The following MUC5B variants were observed in gnomAD, a reference collection of about 807,000 sequenced individuals.
MUC5B encodes mucin-5B.
MUC5B carries 116 observed loss-of-function variants against 376.9 expected under a neutral mutation model. The observed-to-expected ratio is 0.31, with a 90% CI of 0.26 to 0.36. The LOEUF is 0.36. Ranked by LOEUF, MUC5B falls within the 10% of genes least tolerant of loss-of-function variation. The pLI, the probability that MUC5B is intolerant of heterozygous loss-of-function variation, is 1.00. For missense variants in MUC5B, 7,165 were observed against 7,769.9 expected (o/e 0.92, Z 2.93); for synonymous variants, 3,517 against 3,390.9 (o/e 1.04, Z -1.29).
At chr11:1,260,163 C>T in intron 46 of MUC5B, 78 bp downstream of exon 46, 1 of 1,554,992 alleles carries the variant, frequency 6.4e-7, no homozygotes, top group Non-Finnish European at 8.7e-7. Context: ...GGATGCCCTG[C>T]ACAGCAGGGA....
chr11:1,243,695 C>G lies in MUC5B; in HGVS notation c.6815C>G (p.Thr2272Ser). ...TESPPSPGTT[T>S]PGHTTATSRT... Reference sequence around the variant, plus strand: ...TCACCCCCTTCTCCAGGGACGACCACCCCGGGCCACACCACGGCCACCTCC... The same window carrying G: ...TCACCCCCTTCTCCAGGGACGACCAGCCCGGGCCACACCACGGCCACCTCC... Residue 2272 changes from threonine (T) to serine (S), a missense_variant, in exon 31 of 49, where the codon ACC becomes AGC. Physicochemically the swap from Thr to Ser is moderately conservative, Grantham distance 58. Coordinates refer to ENST00000529681, the MANE Select transcript of MUC5B (RefSeq NM_002458.3). 1 of 1,611,706 alleles carries G rather than the reference C, an allele frequency of 6.2e-7. No homozygotes were observed. Among genetic ancestry groups the G allele is most frequent in the Admixed American group, 1.7e-5 (1 of 60,008 alleles).
chr11:1,227,931 A>G (rs1238351160), intron 7 of MUC5B, 150 bp downstream of exon 7: 1 of 599,690 alleles, frequency 1.7e-6, no homozygotes, highest in East Asian at 2.8e-5. Flanking sequence ...GCTCAGTTCC[A>G]CGGTACACAC....
Position 1,242,487 on chromosome 11 carries a change from C to T in MUC5B, c.5607C>T (p.Cys1869=), listed in dbSNP as rs1862313173. 2.5e-6 allele frequency: 4 copies of T among 1,613,786 alleles called. No homozygotes were observed. The highest frequency in any genetic ancestry group is 2.7e-5 in the African/African-American group (2 of 74,946). ...ACCAGACAGGCAGGTTCAACATGTGCTTCAACTACAACGTGCGTGTGCTTT... is the reference window on the plus strand; with the variant it reads ...ACCAGACAGGCAGGTTCAACATGTGTTTCAACTACAACGTGCGTGTGCTTT... ...NEDQTGRFNM[C]FNYNVRVLCC... is the part of the protein sequence containing the mutation. The change falls in exon 31 of 49, where the codon TGC becomes TGT. Residue 1869 remains cysteine (C), a synonymous_variant. Coordinates refer to ENST00000529681, the MANE Select transcript of MUC5B (RefSeq NM_002458.3).
Position 1,234,052 on chromosome 11 carries a change from GGGTGTCCTGGGGTTGGGGGCTGCA to G in MUC5B, c.2378-146_2378-123del, listed in dbSNP as rs1307527856. Among the ~76,000 whole-genome samples, 1 of 152,208 alleles carries G rather than the reference GGGTGTCCTGGGGTTGGGGGCTGCA, an allele frequency of 6.6e-6. No homozygotes were observed. Among genetic ancestry groups the G allele is most frequent in the Non-Finnish European group, 1.5e-5 (1 of 68,024 alleles). Reference sequence around the variant, plus strand: ...GGGTCTCTGCCCCGCAGTGTGGCCGGGGTGTCCTGGGGTTGGGGGCTGCAGGTGTCATGGAAGCTTTGGCTCGGG... The same window carrying G: ...GGGTCTCTGCCCCGCAGTGTGGCCGGGGTGTCATGGAAGCTTTGGCTCGGG... On this transcript the variant is annotated intron_variant, in intron 19 of 48. Coordinates refer to ENST00000529681, the MANE Select transcript of MUC5B (RefSeq NM_002458.3). The surrounding 1 kb of genome is among the most constrained non-coding windows in gnomAD (Gnocchi z 6.3).
Position 1,252,388 on chromosome 11 carries a change from A to C in MUC5B, c.14909A>C (p.Tyr4970Ser). 6.2e-7 allele frequency: 1 copy of C among 1,600,572 alleles called. No individual in the cohort carries two copies. ...NKTDRAGCHFYAVCNQHCDID... is the reference protein window; with the variant it reads ...NKTDRAGCHFSAVCNQHCDID... ...ACCGACCGAGCCGGCTGCCATTTCTACGCAGTGTGCAATCAGCACTGTGAC... is the reference window on the plus strand; with the variant it reads ...ACCGACCGAGCCGGCTGCCATTTCTCCGCAGTGTGCAATCAGCACTGTGAC... The change falls in exon 32 of 49, where the codon TAC (tyrosine) becomes TCC (serine). Residue 4970 changes from tyrosine to serine, a missense_variant. Physicochemically the swap from Tyr to Ser is moderately radical, Grantham distance 144 (BLOSUM62 -2). This residue lies in a region of MUC5B where 730 missense variants were observed against 592.7 expected (regional missense o/e 1.23). Transcript: ENST00000529681.
chr11:1,239,829 C>T lies in MUC5B; in HGVS notation c.3614C>T (p.Pro1205Leu). The change falls in exon 28 of 49, where the codon CCC (proline) becomes CTC (leucine). Residue 1205 changes from proline (P) to leucine (L), a missense_variant. Coordinates refer to ENST00000529681, the MANE Select transcript of MUC5B (RefSeq NM_002458.3). ...TACCCGAAGTGCCCACCCAGCCAGC[C>T]CTTCTTCAATGAGGACCAGATGAAG... is the stretch of plus-strand genomic sequence containing the variant. ...GCYPKCPPSQPFFNEDQMKCV... is the reference protein window; with the variant it reads ...GCYPKCPPSQLFFNEDQMKCV... 1 of 1,612,486 alleles carries T rather than the reference C, an allele frequency of 6.2e-7. No individual in the cohort carries two copies. Among genetic ancestry groups the T allele is most frequent in the Non-Finnish European group, 8.5e-7 (1 of 1,179,392 alleles).
Position 1,228,783 on chromosome 11 carries a change from C to T in MUC5B, c.976+18C>T. ...GCTCTGCCGTGAGTGCTCCCAGGGC[C>T]TTCGCCAGGGATTGTGCCAGAGAGA... is the stretch of plus-strand genomic sequence containing the variant. On this transcript the variant is annotated intron_variant, in intron 8 of 48. Coordinates refer to ENST00000529681, the MANE Select transcript of MUC5B (RefSeq NM_002458.3). 1 of 1,365,638 alleles carries T rather than the reference C, an allele frequency of 7.3e-7. No individual in the cohort carries two copies. Among genetic ancestry groups the T allele is most frequent in the South Asian group, 1.3e-5 (1 of 75,530 alleles). 84.6% of individuals were successfully genotyped at this position (1,365,638 alleles called of 1,614,324 possible). A position where few individuals can be genotyped will look rare whatever the true frequency, so the allele number is the denominator to read the frequency against.
chr11:1,254,228 C>T lies in MUC5B; in HGVS notation c.15354C>T (p.Asn5118=). The T allele has an allele frequency of 1.9e-6, 3 of 1,612,700 alleles. No homozygotes were observed. In the Admixed American group the frequency reaches 5.0e-5, roughly 27 times the overall value. Reference sequence around the variant, plus strand: ...GGAATCTCAGCCTCTACCTGGACAACCACTACTGCACGGCCTCTGCCACTG... The same window carrying T: ...GGAATCTCAGCCTCTACCTGGACAATCACTACTGCACGGCCTCTGCCACTG... ...RFGNLSLYLD[N]HYCTASATAA... Residue 5118 remains asparagine, a synonymous_variant, in exon 34 of 49, where the codon AAC becomes AAT. Coordinates refer to ENST00000529681, the MANE Select transcript of MUC5B (RefSeq NM_002458.3).
At position 1,245,885 on chromosome 11, in the gene MUC5B, C is replaced by A. The variant is rs200554635; in HGVS notation, c.9005C>A (p.Thr3002Lys). 3.3e-3 allele frequency: 5,273 copies of A among 1,613,316 alleles called. 23 individuals are homozygous for A. The highest frequency in any genetic ancestry group is 0.012 in the Middle Eastern group (71 of 6,060). Residue 3002 changes from threonine to lysine, a missense_variant, in exon 31 of 49, where the codon ACG becomes AAG. Physicochemically the swap from Thr to Lys is moderately conservative, Grantham distance 78. Around this residue, in one of 31 missense-constraint regions of MUC5B, gnomAD observed 939 missense variants for 770.6 expected, o/e 1.22. Coordinates refer to ENST00000529681, the MANE Select transcript of MUC5B (RefSeq NM_002458.3). ...ILTEQTTAAT[T>K]TATTGSTAIP... ...ACAGAGCAGACCACAGCAGCCACTA[C>A]GACCGCAACCACTGGATCCACGGCC... is the stretch of plus-strand genomic sequence containing the variant.
rs1248170995 is a variant in MUC5B, at chr11:1,240,371, G to T, written c.3966G>T (p.Thr1322=). ...TFTTAWVPHS[T]TSPALPVSTV... The stretch of plus-strand genomic sequence containing the variant: ...CCACCGCCTGGGTCCCCCACTCCAC[G>T]ACAAGTAAGCCCTGCCTGGCTCTCC... Residue 1322 remains threonine, a synonymous_variant, in exon 30 of 49, where the codon ACG becomes ACT. Coordinates refer to ENST00000529681, the MANE Select transcript of MUC5B (RefSeq NM_002458.3). The T allele has an allele frequency of 1.9e-6, 3 of 1,594,982 alleles. No homozygotes were observed. Among genetic ancestry groups the T allele is most frequent in the Non-Finnish European group, 1.7e-6 (2 of 1,167,470 alleles).
In MUC5B at chr11:1,248,700, C is replaced by T. The variant is rs1862574322; in HGVS notation, c.11820C>T (p.Thr3940=). ...SMATPSSSTQ[T]SGTPPSLITT... is the part of the protein sequence containing the mutation. ...CAACACCCTCCTCTAGCACACAGAC[C>T]AGTGGTACTCCCCCATCACTGATCA... Residue 3940 remains threonine, a synonymous_variant, in exon 31 of 49, where the codon ACC becomes ACT. Coordinates refer to ENST00000529681, the MANE Select transcript of MUC5B (RefSeq NM_002458.3). 1 of 1,573,952 alleles carries T rather than the reference C, an allele frequency of 6.4e-7. No homozygotes were observed. Among genetic ancestry groups the T allele is most frequent in the African/African-American group, 1.4e-5 (1 of 73,308 alleles).
chr11:1,239,074 C>A (rs1182194921), intron 26 of MUC5B, 47 bp downstream of exon 26: 3 of 1,552,664 alleles, frequency 1.9e-6, no homozygotes, highest in Non-Finnish European at 2.6e-6. Flanking sequence ...GCTGCTGGGG[C>A]AGGGGAGGAG....
At chr11:1,230,426 A>C in intron 11 of MUC5B, 64 bp from the exon 12 acceptor site, 1 of 1,431,572 alleles carries the variant, frequency 7.0e-7, no homozygotes, top group Non-Finnish European at 9.5e-7. Context: ...TCCCCAGCAC[A>C]CTTCTGGGGG....
Position 1,257,184 on chromosome 11 carries a change from G to A in MUC5B, c.16238-56G>A. ...CTGAGAGCACCTCCCATGGCCAGAG[G>A]CCCCTCCGCCTGCAAACTCAGCACC... On this transcript the variant is annotated intron_variant, in intron 39 of 48. Transcript: ENST00000529681. The surrounding 1 kb of genome is among the most constrained non-coding windows in gnomAD (Gnocchi z 8.9). The A allele has an allele frequency of 1.3e-6, 1 of 779,280 alleles. No individual in the cohort carries two copies. Among genetic ancestry groups the A allele is most frequent in the Admixed American group, 1.7e-5 (1 of 58,992 alleles). 48.3% of individuals were successfully genotyped at this position (779,280 alleles called of 1,614,324 possible).
Position 1,252,432 on chromosome 11 carries a change from G to T in MUC5B, c.14953G>T (p.Ala4985Ser), listed in dbSNP as rs372995452. The stretch of plus-strand genomic sequence containing the variant: ...CTGTGACATTGACCGCTTCCAGGGC[G>T]CCTGTCCCACCTCCCCACCGCCAGT... ...QHCDIDRFQG[A>S]CPTSPPPVSS... is the part of the protein sequence containing the mutation. Residue 4985 changes from alanine to serine, a missense_variant, in exon 32 of 49, where the codon GCC (alanine) becomes TCC (serine). Transcript: ENST00000529681. 21 of 1,610,730 alleles carry T rather than the reference G, an allele frequency of 1.3e-5. No homozygotes were observed. In the African/African-American group the frequency reaches 2.8e-4, roughly 22 times the overall value.
chr11:1,243,506 C>A lies in MUC5B; in HGVS notation c.6626C>A (p.Thr2209Lys), dbSNP rs201750183. The change falls in exon 31 of 49, where the codon ACG becomes AAG. Residue 2209 changes from threonine (T) to lysine (K), a missense_variant. Coordinates refer to ENST00000529681, the MANE Select transcript of MUC5B (RefSeq NM_002458.3). ...GRSLPPSSPHTVRTAWTSATS... is the reference protein window; with the variant it reads ...GRSLPPSSPHKVRTAWTSATS... The stretch of plus-strand genomic sequence containing the variant: ...TCCCTGCCCCCCAGCAGTCCCCACA[C>A]GGTGCGCACAGCCTGGACTTCGGCC... The A allele has an allele frequency of 3.8e-6, 6 of 1,596,328 alleles. No individual in the cohort carries two copies. The African/African-American group carries it at 5.5e-5, about 15-fold the overall frequency.
rs2943512 is a variant in MUC5B at position 1,250,996 on chromosome 11, A to T, written c.14116A>T (p.Thr4706Ser). The change falls in exon 31 of 49, where the codon ACC becomes TCC. Residue 4706 changes from threonine to serine, a missense_variant. Coordinates refer to ENST00000529681, the MANE Select transcript of MUC5B (RefSeq NM_002458.3). ...PSSTPGTTPI[T>S]PVLTSTATTP... Reference sequence around the variant, plus strand: ...CTCAACTCCAGGGACAACACCCATCACCCCAGTGCTGACCAGCACGGCCAC... The same window carrying T: ...CTCAACTCCAGGGACAACACCCATCTCCCCAGTGCTGACCAGCACGGCCAC... 4.4e-6 allele frequency: 7 copies of T among 1,596,820 alleles called. No homozygotes were observed. In the East Asian group the frequency reaches 6.7e-5, roughly 15 times the overall value.
At position 1,244,836 on chromosome 11, in the gene MUC5B, C is replaced by T; in HGVS notation, c.7956C>T (p.Ile2652=). ...GTTCCACGGTGACCCCCTCCTCCATCCCGGGGACCACCCACACCCCCACAG... is the reference window on the plus strand; with the variant it reads ...GTTCCACGGTGACCCCCTCCTCCATTCCGGGGACCACCCACACCCCCACAG... ...TRGSTVTPSS[I]PGTTHTPTVL... Residue 2652 remains isoleucine (I), a synonymous_variant, in exon 31 of 49, where the codon ATC becomes ATT. Transcript: ENST00000529681. 1 of 1,613,712 alleles carries T rather than the reference C, an allele frequency of 6.2e-7. No homozygotes were observed. Among genetic ancestry groups the T allele is most frequent in the Non-Finnish European group, 8.5e-7 (1 of 1,179,776 alleles).
Position 1,250,038 on chromosome 11 carries a change from G to C in MUC5B, c.13158G>C (p.Pro4386=), listed in dbSNP as rs367839579. Reference sequence around the variant, plus strand: ...CCACGTCCACCCCCTCCTCCACTCCGGGGACGACCTGGATCCTCACAGAGC... The same window carrying C: ...CCACGTCCACCCCCTCCTCCACTCCCGGGACGACCTGGATCCTCACAGAGC... ...TSSTSTPSST[P]GTTWILTELT... is the part of the protein sequence containing the mutation. The change falls in exon 31 of 49, where the codon CCG becomes CCC. Residue 4386 remains proline (P), a synonymous_variant. Transcript: ENST00000529681. 2 of 1,610,880 alleles carry C rather than the reference G, an allele frequency of 1.2e-6. No individual in the cohort carries two copies. The highest frequency in any genetic ancestry group is 4.5e-5 in the East Asian group (2 of 44,592).
Sources: allele counts gnomAD v4.1 joint callset (sites outside exome capture counted in the v4.1 genomes callset), GRCh38; gene constraint gnomAD v4.1.1; regional missense constraint gnomAD v4.1.1; non-coding constraint Gnocchi (gnomAD v3.1); transcripts MANE v1.5; gene names NCBI Gene and HGNC (gene_info 2026-07-23, HGNC 2026-07-21).